The following PARVA variants were observed in gnomAD, a reference collection of about 807,000 sequenced individuals.
The protein encoded by PARVA is alpha-parvin.
A neutral mutation model predicts 52.6 loss-of-function variants in PARVA; 25 were observed. That is an observed-to-expected ratio of 0.48 (90% CI 0.35 to 0.66). PARVA has a LOEUF of 0.66. PARVA is among the 30% of genes least tolerant of loss of function. The pLI is 0.01. For synonymous variants in PARVA, 185 were observed against 179.1 expected (o/e 1.03, Z -0.26); for missense variants, 373 against 450.9 (o/e 0.83, Z 1.56).
chr11:12,513,369 G>A lies in PARVA; in HGVS notation c.798+9G>A. 3.1e-6 allele frequency: 5 copies of A among 1,612,826 alleles called. No homozygotes were observed. Among genetic ancestry groups the A allele is most frequent in the Non-Finnish European group, 4.2e-6 (5 of 1,178,762 alleles). ...TGAATGTGGTGAAAAAGGTGGGAAA[G>A]GGGTGCCTGGGATGGACAGAGGGAA... On this transcript the variant is annotated intron_variant, in intron 9 of 12. Transcript: ENST00000334956.
intron 1 of PARVA, among the ~76,000 whole-genome samples, chr11:12,470,384 G>A (rs75384141): frequency 0.045 from 6,918 of 152,252 alleles, 303 homozygotes; most frequent in African/African-American, 0.11. Flanking sequence ...AACTCATTTA[G>A]TCTTCTCAGC....
At chr11:12,504,232 A>G (rs925865534) in intron 5 of PARVA, 82 bp from the exon 6 acceptor site, 7 of 736,674 alleles carry the variant, frequency 9.5e-6, no homozygotes, top group Non-Finnish European at 1.7e-5. Flanking sequence ...TCAGTGGGGT[A>G]CTACTACACT....
chr11:12,523,758 T>G (rs549862280), intron 12 of PARVA, among the ~76,000 whole-genome samples: 19 of 152,348 alleles, frequency 1.2e-4, no homozygotes, highest in African/African-American at 4.6e-4. Context: ...GTCCTGGCTG[T>G]CTGCCTCCAG....
chr11:12,470,272 T>G (rs1940915420), intron 1 of PARVA, among the ~76,000 whole-genome samples: 1 of 152,248 alleles, frequency 6.6e-6, no homozygotes. Flanking sequence ...TCTTGAGTGC[T>G]TACAATGCTT....
intron 1 of PARVA, among the ~76,000 whole-genome samples, chr11:12,448,406 G>A (rs1019406340): frequency 6.6e-6 from 1 of 152,216 alleles, no homozygotes; most frequent in Non-Finnish European, 1.5e-5. Flanking sequence ...TGCGGCAGCA[G>A]TTGGATGGGA....
chr11:12,437,676 C>T (rs573212928), intron 1 of PARVA, among the ~76,000 whole-genome samples: 18 of 152,138 alleles, frequency 1.2e-4, no homozygotes, highest in Non-Finnish European at 2.2e-4. Context: ...AAAAGAGCAT[C>T]AAGGCTGTGC....
intron 3 of PARVA, among the ~76,000 whole-genome samples, chr11:12,475,378 A>G (rs964617652): frequency 6.6e-6 from 1 of 152,214 alleles, no homozygotes; most frequent in African/African-American, 2.4e-5. Flanking sequence ...GTCTCCACGT[A>G]ATATTATAGC....
intron 4 of PARVA, among the ~76,000 whole-genome samples, chr11:12,485,890 A>T (rs10831833): frequency 1.3e-5 from 2 of 151,962 alleles, no homozygotes; most frequent in South Asian, 2.1e-4. Flanking sequence ...AAAATCAAGC[A>T]GTCCTGACCA....
At chr11:12,378,677 G>A (rs1177819187) in intron 1 of PARVA, among the ~76,000 whole-genome samples, 1 of 150,148 alleles carries the variant, frequency 6.7e-6, no homozygotes, top group African/African-American at 2.5e-5. Flanking sequence ...CGAGGTGGCA[G>A]TTCTCAAGAA....
At chr11:12,439,725 C>T (rs1051985087) in intron 1 of PARVA, among the ~76,000 whole-genome samples, 1 of 152,224 alleles carries the variant, frequency 6.6e-6, no homozygotes. Context: ...ATCCTCCTCC[C>T]TCTGCTTTCT....
intron 1 of PARVA, among the ~76,000 whole-genome samples, chr11:12,397,684 G>A (rs75458304): frequency 0.089 from 13,515 of 152,152 alleles, 733 homozygotes; most frequent in African/African-American, 0.14. Flanking sequence ...CACATTTTTA[G>A]GCAACAAATT....
intron 1 of PARVA, among the ~76,000 whole-genome samples, chr11:12,425,742 T>C (rs12276659): frequency 0.19 from 29,185 of 152,142 alleles, 5,124 homozygotes; most frequent in African/African-American, 0.47. Context: ...AAGTCTTCTA[T>C]TTCTTTTGTT....
intron 1 of PARVA, among the ~76,000 whole-genome samples, chr11:12,393,955 A>G (rs1216996602): frequency 6.6e-6 from 1 of 152,178 alleles, no homozygotes; most frequent in Non-Finnish European, 1.5e-5. Context: ...TATAACTATT[A>G]TGTGGTTGCC....
rs149622441 is a variant in PARVA at position 12,488,719 on chromosome 11, A to C, written c.401-7739A>C. 1.9e-3 allele frequency among the ~76,000 whole-genome samples: 295 copies of C among 152,326 alleles called. 1 individual carries two copies. Among genetic ancestry groups the C allele is most frequent in the African/African-American group, 6.8e-3 (281 of 41,574 alleles). On this transcript the variant is annotated intron_variant, in intron 4 of 12. Coordinates refer to ENST00000334956, the MANE Select transcript of PARVA (RefSeq NM_018222.5). ...TCTGCTTCAGATAACTCCTCATCAAAAGTCTATACTCACACAGATTTAAGG... is the reference window on the plus strand; with the variant it reads ...TCTGCTTCAGATAACTCCTCATCAACAGTCTATACTCACACAGATTTAAGG...
chr11:12,399,234 T>G (rs1211382361), intron 1 of PARVA, among the ~76,000 whole-genome samples: 1 of 152,276 alleles, frequency 6.6e-6, no homozygotes, highest in African/African-American at 2.4e-5. Context: ...TAAAAAAGTT[T>G]TTTCTTGTAA....
chr11:12,444,425 C>T (rs1379187323), intron 1 of PARVA, among the ~76,000 whole-genome samples: 2 of 152,016 alleles, frequency 1.3e-5, no homozygotes, highest in Non-Finnish European at 2.9e-5. Context: ...ATACTCAGCC[C>T]AGTATATCTT....
chr11:12,425,425 T>C (rs1159369336), intron 1 of PARVA, among the ~76,000 whole-genome samples: 1 of 152,138 alleles, frequency 6.6e-6, no homozygotes, highest in Non-Finnish European at 1.5e-5. Flanking sequence ...TCTTACCAGG[T>C]CAGTCTTCTA....
At chr11:12,519,737 G>A (rs527635725) in intron 12 of PARVA, among the ~76,000 whole-genome samples, 3 of 152,154 alleles carry the variant, frequency 2.0e-5, no homozygotes, top group South Asian at 2.1e-4. Context: ...TTCCAGACTC[G>A]TTATCTATTG....
intron 6 of PARVA, among the ~76,000 whole-genome samples, chr11:12,507,252 C>T (rs1473999318): frequency 6.6e-6 from 1 of 152,186 alleles, no homozygotes; most frequent in Non-Finnish European, 1.5e-5. Context: ...TCAGAGGCTC[C>T]TTCCTTCTTC....
Sources: allele counts gnomAD v4.1 joint callset (sites outside exome capture counted in the v4.1 genomes callset), GRCh38; gene constraint gnomAD v4.1.1; transcripts MANE v1.5; gene names NCBI Gene and HGNC (gene_info 2026-07-23, HGNC 2026-07-21).